The following KCNH8 variants were observed in gnomAD, a reference collection of about 807,000 sequenced individuals.
KCNH8 encodes voltage-gated delayed rectifier potassium channel KCNH8.
A neutral mutation model predicts 103.6 loss-of-function variants in KCNH8; 70 were observed. The ratio of observed to expected loss-of-function variants is 0.68; its 90% CI spans 0.56 to 0.82. The LOEUF is 0.82. Among genes scored for constraint, KCNH8 ranks in the 40% least tolerant of loss-of-function variants. KCNH8 has a pLI of 0.00. For synonymous variants in KCNH8, 498 were observed against 489.4 expected, an observed-to-expected ratio of 1.02 and a Z score of -0.23; for missense variants, 1,217 against 1,329.9, an observed-to-expected ratio of 0.92 and a Z score of 1.32.
chr3:19,474,625 T>C (rs146547842), intron 11 of KCNH8, among the ~76,000 whole-genome samples: 172 of 152,302 alleles, frequency 1.1e-3, no homozygotes, highest in African/African-American at 3.7e-3. Flanking sequence ...TTCAAAGGGT[T>C]TGGTTTCCAG....
At chr3:19,256,035 A>G (rs1187920346) in intron 2 of KCNH8, among the ~76,000 whole-genome samples, 2 of 152,100 alleles carry the variant, frequency 1.3e-5, no homozygotes, top group African/African-American at 4.8e-5. Flanking sequence ...ATTGTACTCT[A>G]ACACAGGGTT....
chr3:19,290,714 TG>T (rs1371299870), intron 3 of KCNH8, among the ~76,000 whole-genome samples: 1 of 152,224 alleles, frequency 6.6e-6, no homozygotes, highest in East Asian at 1.9e-4. Flanking sequence ...TTCTCTTTTT[TG>T]GTTGTTTCTC....
In KCNH8 at chr3:19,354,800, C is replaced by T. The variant is rs558518978; in HGVS notation, c.811+6835C>T. On this transcript the variant is annotated intron_variant, in intron 5 of 15. Coordinates refer to ENST00000328405, the MANE Select transcript of KCNH8 (RefSeq NM_144633.3). Reference sequence around the variant, plus strand: ...ACCCTAGAAGAAAACCTAGGCAATACCATTCAGGACATAGGCATGTGCAAG... The same window carrying T: ...ACCCTAGAAGAAAACCTAGGCAATATCATTCAGGACATAGGCATGTGCAAG... Among the ~76,000 whole-genome samples the T allele has an allele frequency of 2.0e-4, 30 of 152,272 alleles. No homozygotes were observed. The East Asian group carries it at 3.9e-3, about 20-fold the overall frequency.
intron 5 of KCNH8, among the ~76,000 whole-genome samples, chr3:19,354,240 C>G (rs1004590561): frequency 3.3e-5 from 5 of 152,114 alleles, no homozygotes; most frequent in South Asian, 2.1e-4. Flanking sequence ...AGGACACAAA[C>G]AAATGGAAGA....
At position 19,281,201 on chromosome 3, in the gene KCNH8, C is replaced by A; in HGVS notation, c.314C>A (p.Ser105Tyr). ...TTTTTTTTCTTTACTGTTGCAGGGT[C>A]TCCATTTTGGTGCCTACTGGATATT... ...GEIMFYKKNG[S>Y]PFWCLLDIVP... Residue 105 changes from serine (S) to tyrosine (Y), a missense_variant, in exon 3 of 16, where the codon TCT becomes TAT. By Grantham distance (144) the Ser-to-Tyr change is moderately radical. Transcript: ENST00000328405. The A allele has an allele frequency of 1.2e-6, 2 of 1,608,428 alleles. No individual in the cohort carries two copies. The highest frequency in any genetic ancestry group is 2.2e-5 in the South Asian group (2 of 89,994).
chr3:19,454,845 G>A (rs557500700), intron 10 of KCNH8, among the ~76,000 whole-genome samples: 2 of 152,040 alleles, frequency 1.3e-5, no homozygotes, highest in Non-Finnish European at 2.9e-5. Context: ...TCTAAACACT[G>A]GTATGTGGTA....
chr3:19,474,163 C>G (rs917982703), intron 11 of KCNH8, among the ~76,000 whole-genome samples: 1 of 152,194 alleles, frequency 6.6e-6, no homozygotes, highest in Non-Finnish European at 1.5e-5. Context: ...ATGATTAAAA[C>G]TGTCTACATG....
intron 3 of KCNH8, among the ~76,000 whole-genome samples, chr3:19,332,057 T>G (rs2065518151): frequency 6.6e-6 from 1 of 151,898 alleles, no homozygotes; most frequent in East Asian, 1.9e-4. Flanking sequence ...ACGTTAGTTT[T>G]TTTTTTTTTT....
chr3:19,505,304 G>A (rs1419532850), intron 11 of KCNH8, among the ~76,000 whole-genome samples: 2 of 152,022 alleles, frequency 1.3e-5, no homozygotes, highest in African/African-American at 4.8e-5. Flanking sequence ...AGACCTACCA[G>A]AGGGTGAAGG....
chr3:19,519,248 C>A (rs2068930174), intron 15 of KCNH8, among the ~76,000 whole-genome samples: 1 of 151,840 alleles, frequency 6.6e-6, no homozygotes, highest in African/African-American at 2.4e-5. Flanking sequence ...ACAGACAGTG[C>A]AACAGAATCC....
chr3:19,378,567 C>G (rs2066244353), intron 5 of KCNH8, among the ~76,000 whole-genome samples: 1 of 152,180 alleles, frequency 6.6e-6, no homozygotes, highest in Admixed American at 6.5e-5. Flanking sequence ...GTTTCTCCCA[C>G]AGAGTGGGAA....
At chr3:19,423,942 C>T (rs1360330401) in intron 7 of KCNH8, among the ~76,000 whole-genome samples, 1 of 151,946 alleles carries the variant, frequency 6.6e-6, no homozygotes, top group African/African-American at 2.4e-5. Context: ...GTGCCAGCAT[C>T]TATTAATTTT....
chr3:19,352,129 A>C (rs2065811785), intron 5 of KCNH8, among the ~76,000 whole-genome samples: 1 of 152,188 alleles, frequency 6.6e-6, no homozygotes, highest in Non-Finnish European at 1.5e-5. Context: ...AAAGATCAAA[A>C]GAGACAAGGC....
chr3:19,308,818 C>T (rs1434951203), intron 3 of KCNH8, among the ~76,000 whole-genome samples: 1 of 148,668 alleles, frequency 6.7e-6, no homozygotes, highest in Non-Finnish European at 1.5e-5. Flanking sequence ...CCCTCTCTCT[C>T]TCTCTCTCCC....
chr3:19,328,221 A>G (rs1205021706), intron 3 of KCNH8, among the ~76,000 whole-genome samples: 1 of 152,172 alleles, frequency 6.6e-6, no homozygotes. Context: ...TGAGTTTGCC[A>G]TGTTATTGCT....
intron 15 of KCNH8, among the ~76,000 whole-genome samples, chr3:19,527,682 G>A (rs1323912101): frequency 1.3e-5 from 2 of 152,098 alleles, no homozygotes; most frequent in Admixed American, 1.3e-4. Context: ...GGTAGTCAGT[G>A]ATTCCCTTCT....
chr3:19,404,745 G>C (rs182296882), intron 7 of KCNH8, among the ~76,000 whole-genome samples: 2 of 151,832 alleles, frequency 1.3e-5, no homozygotes, highest in East Asian at 3.9e-4. Context: ...ACTGACTTGA[G>C]GTTTGGATCT....
At chr3:19,340,342 TTTA>T (rs1465416905) in intron 3 of KCNH8, among the ~76,000 whole-genome samples, 6 of 115,464 alleles carry the variant, frequency 5.2e-5, no homozygotes, top group African/African-American at 2.4e-4. Context: ...ATTTATTTTT[TTTA>T]TTTTTTTTTT....
chr3:19,419,416 G>A (rs1411814927), intron 7 of KCNH8, among the ~76,000 whole-genome samples: 1 of 151,550 alleles, frequency 6.6e-6, no homozygotes, highest in East Asian at 2.0e-4. Flanking sequence ...TAGCCAGGAT[G>A]GTCTCGATCT....
Sources: allele counts gnomAD v4.1 joint callset (sites outside exome capture counted in the v4.1 genomes callset), GRCh38; gene constraint gnomAD v4.1.1; transcripts MANE v1.5; gene names NCBI Gene and HGNC (gene_info 2026-07-23, HGNC 2026-07-21).